The following ST18 variants were observed in gnomAD, a reference collection of about 807,000 sequenced individuals.
ST18 encodes the protein ST18 C2H2C-type zinc finger transcription factor.
In ST18, 50 loss-of-function variants were observed where a neutral mutation model predicts 110.0. The ratio of observed to expected loss-of-function variants is 0.45; its 90% confidence interval spans 0.36 to 0.58. ST18 has a LOEUF of 0.58. Among genes scored for constraint, ST18 ranks in the 20% least tolerant of loss-of-function variants. The pLI, the probability that ST18 is intolerant of heterozygous loss-of-function variation, is 0.00. For synonymous variants in ST18, 461 were observed against 452.4 expected (o/e 1.02, Z -0.24); for missense variants, 1,306 against 1,280.1 (o/e 1.02, Z -0.31).
At chr8:52,203,427 G>C (rs1258436921) in intron 8 of ST18, among the ~76,000 whole-genome samples, 1 of 152,062 alleles carries the variant, frequency 6.6e-6, no homozygotes, top group Non-Finnish European at 1.5e-5. Context: ...TCTAGGCGAG[G>C]GTTTGTAGTA....
chr8:52,262,809 T>C (rs1328305714), intron 2 of ST18, among the ~76,000 whole-genome samples: 2 of 152,234 alleles, frequency 1.3e-5, no homozygotes, highest in Non-Finnish European at 2.9e-5. Flanking sequence ...ACAGACTGCA[T>C]TGTTGACTTC....
intron 15 of ST18, 138 bp from the exon 16 acceptor site, chr8:52,150,115 C>A: frequency 1.6e-6 from 2 of 1,231,344 alleles, no homozygotes; most frequent in Non-Finnish European, 2.2e-6. Flanking sequence ...TTCTGATTTG[C>A]GTTGGGTAAT....
intron 8 of ST18, among the ~76,000 whole-genome samples, chr8:52,190,478 C>T (rs1026101754): frequency 3.9e-5 from 6 of 152,266 alleles, no homozygotes; most frequent in South Asian, 4.2e-4. Context: ...ACTGCCATCA[C>T]GTCAAACAAG....
chr8:52,304,324 G>A (rs900080358), intron 2 of ST18, among the ~76,000 whole-genome samples: 2 of 152,068 alleles, frequency 1.3e-5, no homozygotes, highest in Non-Finnish European at 2.9e-5. Context: ...CAGTGTGTGA[G>A]TACATACACA....
chr8:52,118,231 G>T, intron 24 of ST18, 107 bp downstream of exon 24: 3 of 679,796 alleles, frequency 4.4e-6, no homozygotes, highest in South Asian at 4.2e-5. Flanking sequence ...TCAGCATATT[G>T]ACTCTAAGTT....
chr8:52,140,202 A>C (rs563669583), intron 17 of ST18, among the ~76,000 whole-genome samples: 1 of 152,354 alleles, frequency 6.6e-6, no homozygotes, highest in South Asian at 2.1e-4. Flanking sequence ...CATGCAAATA[A>C]GTGATATCCA....
chr8:52,394,125 T>C (rs1840285569), intron 2 of ST18, among the ~76,000 whole-genome samples: 1 of 152,056 alleles, frequency 6.6e-6, no homozygotes, highest in Non-Finnish European at 1.5e-5. Context: ...ACAGGCACCA[T>C]TCCCATCCCC....
chr8:52,204,397 T>C (rs1229882480), intron 8 of ST18, among the ~76,000 whole-genome samples: 4 of 152,190 alleles, frequency 2.6e-5, no homozygotes, highest in Non-Finnish European at 5.9e-5. Context: ...CGTTAATTTC[T>C]TATAAATCTT....
rs1210203094 is a variant in ST18, at chr8:52,214,272, C to G, written c.1-15G>C. On this transcript the variant is annotated splice_polypyrimidine_tract_variant and intron_variant, in intron 6 of 25. Transcript: ENST00000689386. ...TCTGCATCCATCTATAACATGAACACAAAGTCCTGAGGTCATTCCTTTGAC... is the reference window on the plus strand; with the variant it reads ...TCTGCATCCATCTATAACATGAACAGAAAGTCCTGAGGTCATTCCTTTGAC... 2 of 1,613,692 alleles carry G rather than the reference C, an allele frequency of 1.2e-6. No homozygotes were observed. The highest frequency in any genetic ancestry group is 2.7e-5 in the African/African-American group (2 of 75,044).
In ST18 at chr8:52,225,464, C is replaced by G. The variant is rs189186014; in HGVS notation, c.-418-3671G>C. The stretch of plus-strand genomic sequence containing the variant: ...TTAATGCAAATGGATTTATAATTTG[C>G]TTTGGGGGGCCAGTTTCTTCTCCTT... On this transcript the variant is annotated intron_variant, in intron 3 of 25. Coordinates refer to ENST00000689386, the MANE Select transcript of ST18 (RefSeq NM_001352837.2). 3.6e-4 allele frequency among the ~76,000 whole-genome samples: 55 copies of G among 152,284 alleles called. No homozygotes were observed. The Middle Eastern group carries it at 0.014, about 38-fold the overall frequency.
rs77628164 is a variant in ST18, at chr8:52,266,989, T to C, written c.-464-36912A>G. Among the ~76,000 whole-genome samples the C allele has an allele frequency of 3.2e-4, 49 of 152,148 alleles. 2 individuals carry two copies. The East Asian group carries it at 8.1e-3, about 25-fold the overall frequency. ...AAAGATTAAGCCTTAAGCTGGTGAATACAATTGAGGGCAGGTGCAGCAAAG... is the reference window on the plus strand; with the variant it reads ...AAAGATTAAGCCTTAAGCTGGTGAACACAATTGAGGGCAGGTGCAGCAAAG... On this transcript the variant is annotated intron_variant, in intron 2 of 25. Coordinates refer to ENST00000689386, the MANE Select transcript of ST18 (RefSeq NM_001352837.2).
chr8:52,302,640 T>C (rs928849212), intron 2 of ST18, among the ~76,000 whole-genome samples: 1 of 152,086 alleles, frequency 6.6e-6, no homozygotes, highest in African/African-American at 2.4e-5. Flanking sequence ...CCTGAACATT[T>C]TGTAGTGTGA....
At chr8:52,292,855 G>A (rs1264190784) in intron 2 of ST18, among the ~76,000 whole-genome samples, 1 of 152,076 alleles carries the variant, frequency 6.6e-6, no homozygotes, top group East Asian at 1.9e-4. Context: ...CAATCAATTC[G>A]GTCTCCTCCC....
chr8:52,228,589 C>T (rs1244660881), intron 3 of ST18, among the ~76,000 whole-genome samples: 1 of 151,998 alleles, frequency 6.6e-6, no homozygotes, highest in Non-Finnish European at 1.5e-5. Context: ...ATAAATACAC[C>T]TCACCTTTGC....
chr8:52,171,862 C>T lies in ST18; in HGVS notation c.999G>A (p.Glu333=), dbSNP rs1183333253. 1.2e-6 allele frequency: 2 copies of T among 1,614,182 alleles called. No individual in the cohort carries two copies. Among genetic ancestry groups the T allele is most frequent in the Admixed American group, 3.3e-5 (2 of 60,030 alleles). ...TYKELDRFLL[E]HLAGERRQTK... ...TTTGCCTCCTTTCCCCTGCTAGGTG[C>T]TCCAGCAGGAACCTATCCAGCTCTT... Residue 333 remains glutamate, a synonymous_variant, in exon 10 of 26, where the codon GAG becomes GAA. Coordinates refer to ENST00000689386, the MANE Select transcript of ST18 (RefSeq NM_001352837.2).
At chr8:52,259,597 A>G (rs114946338) in intron 2 of ST18, among the ~76,000 whole-genome samples, 2,418 of 152,290 alleles carry the variant, frequency 0.016, 56 homozygotes, top group African/African-American at 0.056. Context: ...TGATGATGAT[A>G]ACGATTATAT....
intron 2 of ST18, among the ~76,000 whole-genome samples, chr8:52,379,389 C>T (rs1316377683): frequency 3.3e-5 from 5 of 152,062 alleles, no homozygotes; most frequent in Non-Finnish European, 5.9e-5. Flanking sequence ...TGAGACACCA[C>T]GCCCAGCCAA....
At chr8:52,251,777 T>C (rs1471937420) in intron 2 of ST18, among the ~76,000 whole-genome samples, 1 of 152,112 alleles carries the variant, frequency 6.6e-6, no homozygotes, top group African/African-American at 2.4e-5. Flanking sequence ...GATGGAACCA[T>C]TTCTGAAGCC....
chr8:52,176,780 A>T (rs747180326), intron 9 of ST18, among the ~76,000 whole-genome samples: 1 of 152,162 alleles, frequency 6.6e-6, no homozygotes, highest in Non-Finnish European at 1.5e-5. Context: ...AAGTCACAAC[A>T]TATTTTGAGT....
Sources: gnomAD v4.1 joint callset for allele counts (sites outside exome capture counted in the v4.1 genomes callset) on GRCh38, gnomAD v4.1.1 for gene constraint, MANE v1.5 for transcripts, NCBI Gene and HGNC (gene_info 2026-07-23, HGNC 2026-07-21) for gene names.